The following DPYSL3 variants were observed in gnomAD, a reference collection of about 807,000 sequenced individuals.
DPYSL3 encodes the protein dihydropyrimidinase like 3.
DPYSL3 carries 16 observed loss-of-function variants against 66.1 expected under a neutral mutation model. The ratio of observed to expected loss-of-function variants is 0.24; its 90% CI spans 0.16 to 0.37. The LOEUF (loss-of-function observed/expected upper bound fraction) is 0.37, where lower values mean the gene tolerates loss of function less well. DPYSL3 is among the 10% of genes least tolerant of loss of function. DPYSL3 has a pLI of 1.00. For synonymous variants in DPYSL3, 338 were observed against 345.1 expected (o/e 0.98, Z 0.23); for missense variants, 738 against 916.2 (o/e 0.81, Z 2.51).
intron 1 of DPYSL3, chr5:147,473,436 T>C (rs1412579799): frequency 6.6e-6 from 1 of 152,204 alleles, no homozygotes; most frequent in Admixed American, 6.5e-5. Flanking sequence ...GTCCCATCTT[T>C]GCTTCCATTA....
chr5:147,406,517 T>C (rs369224402), intron 7 of DPYSL3, among the ~76,000 whole-genome samples: 104 of 152,270 alleles, frequency 6.8e-4, no homozygotes, highest in African/African-American at 2.4e-3. Flanking sequence ...GGATCTGACA[T>C]GTTGGGCTGT....
rs1464479524 is a variant in DPYSL3 at position 147,509,238 on chromosome 5, A to G, written c.381+240T>C. Among the ~76,000 whole-genome samples the G allele has an allele frequency of 6.6e-6, 1 of 152,134 alleles. No individual in the cohort carries two copies. The highest frequency in any genetic ancestry group is 1.5e-5 in the Non-Finnish European group (1 of 68,014). On this transcript the variant is annotated intron_variant, in intron 1 of 13. Transcript: ENST00000343218. The surrounding 1 kb of genome is among the most constrained non-coding windows in gnomAD (Gnocchi z 5.3). ...AGGCAGGGGCAAAGGACGCGGCTCC[A>G]GGCAGGGGAACCCGGGCATCCCTTC...
chr5:147,454,947 A>G (rs1752817964), intron 1 of DPYSL3, among the ~76,000 whole-genome samples: 1 of 152,158 alleles, frequency 6.6e-6, no homozygotes, highest in African/African-American at 2.4e-5. Context: ...AGGAACCAAA[A>G]AAAGACTTGC....
At chr5:147,506,740 T>C (rs925688154) in intron 1 of DPYSL3, among the ~76,000 whole-genome samples, 3 of 152,152 alleles carry the variant, frequency 2.0e-5, no homozygotes, top group Non-Finnish European at 4.4e-5. Context: ...GTCACCATTA[T>C]CCTTATTTTG....
At chr5:147,441,814 T>C (rs1269622600) in intron 1 of DPYSL3, among the ~76,000 whole-genome samples, 1 of 152,168 alleles carries the variant, frequency 6.6e-6, no homozygotes, top group Non-Finnish European at 1.5e-5. Flanking sequence ...TTTCCCACAA[T>C]TTCTCATAGC....
At chr5:147,395,009 A>G (rs747126472) in intron 13 of DPYSL3, among the ~76,000 whole-genome samples, 4 of 152,202 alleles carry the variant, frequency 2.6e-5, no homozygotes, top group Non-Finnish European at 4.4e-5. Flanking sequence ...TTCTAATTAT[A>G]TCAGAGAGTT....
intron 2 of DPYSL3, among the ~76,000 whole-genome samples, chr5:147,419,559 A>G (rs1409717153): frequency 6.6e-6 from 1 of 152,230 alleles, no homozygotes; most frequent in East Asian, 1.9e-4. Flanking sequence ...TATGGATAAC[A>G]GGGAGACCTA....
chr5:147,433,718 C>T (rs1752357067), intron 1 of DPYSL3, among the ~76,000 whole-genome samples: 1 of 152,144 alleles, frequency 6.6e-6, no homozygotes, highest in African/African-American at 2.4e-5. Flanking sequence ...GAGTTAAAGA[C>T]ATGATGCAGG....
rs879298859 is a variant in DPYSL3 at position 147,455,760 on chromosome 5, T to TA, written c.382-30798dup. On this transcript the variant is annotated intron_variant, in intron 1 of 13. Transcript: ENST00000343218. ...AATATGTAGGGGACATTTACAATCC[T>TA]AAAAAAAAAATACCGCTGCTGCTGC... Among the ~76,000 whole-genome samples the TA allele has an allele frequency of 1.6e-3, 235 of 148,974 alleles. 1 individual carries two copies. Among genetic ancestry groups the TA allele is most frequent in the Non-Finnish European group, 1.1e-3 (74 of 66,984 alleles).
chr5:147,509,462 C>G lies in DPYSL3; in HGVS notation c.381+16G>C. The G allele has an allele frequency of 1.3e-6, 2 of 1,491,802 alleles. No individual in the cohort carries two copies. The highest frequency in any genetic ancestry group is 1.8e-6 in the Non-Finnish European group (2 of 1,124,808). The allele number at this position is 1,491,802 out of a possible 1,614,324, so 92.4% of individuals were successfully genotyped here. ...GGAACGAAGGCAAGGAGGGAAGTGA[C>G]CCGGGGCCCCCTTACCTTGTCCTTG... On this transcript the variant is annotated intron_variant, in intron 1 of 13. Coordinates refer to ENST00000343218, the MANE Select transcript of DPYSL3 (RefSeq NM_001197294.2). This position sits in a 1 kb window ranked among gnomAD's most constrained non-coding sequence, Gnocchi z 5.3.
At chr5:147,451,976 G>C (rs1752737020) in intron 1 of DPYSL3, among the ~76,000 whole-genome samples, 1 of 152,126 alleles carries the variant, frequency 6.6e-6, no homozygotes, top group South Asian at 2.1e-4. Context: ...ATCAGGTAGT[G>C]GTAAAGGAGG....
intron 1 of DPYSL3, chr5:147,472,694 T>A (rs1753102348): frequency 6.6e-6 from 1 of 152,228 alleles, no homozygotes; most frequent in South Asian, 2.1e-4. Context: ...TTTCAAATTA[T>A]GTATTTCTCC....
intron 8 of DPYSL3, among the ~76,000 whole-genome samples, chr5:147,404,726 A>C: frequency 6.6e-6 from 1 of 152,254 alleles, no homozygotes. Flanking sequence ...AGGAAGCCCA[A>C]GTTAACACCA....
chr5:147,422,116 T>C (rs1752093097), intron 2 of DPYSL3, among the ~76,000 whole-genome samples: 1 of 151,990 alleles, frequency 6.6e-6, no homozygotes, highest in African/African-American at 2.4e-5. Flanking sequence ...AAAGGGGTAA[T>C]ACCCAGAATC....
intron 1 of DPYSL3, among the ~76,000 whole-genome samples, chr5:147,474,730 G>A (rs1008113423): frequency 1.1e-4 from 17 of 151,984 alleles, no homozygotes; most frequent in African/African-American, 3.9e-4. Context: ...AAGATTTTTT[G>A]TAATATAATT....
chr5:147,425,490 A>G (rs1483332009), intron 1 of DPYSL3, among the ~76,000 whole-genome samples: 2 of 152,232 alleles, frequency 1.3e-5, no homozygotes, highest in Non-Finnish European at 2.9e-5. Flanking sequence ...ATGCACAAGT[A>G]CACACAATGT....
intron 1 of DPYSL3, among the ~76,000 whole-genome samples, chr5:147,430,528 A>G (rs1216968049): frequency 6.6e-6 from 1 of 151,668 alleles, no homozygotes; most frequent in African/African-American, 2.4e-5. Flanking sequence ...AAAAAAAGAA[A>G]AAAAAGGAAA....
intron 1 of DPYSL3, among the ~76,000 whole-genome samples, chr5:147,447,989 C>T (rs1752659505): frequency 6.6e-6 from 1 of 152,188 alleles, no homozygotes; most frequent in African/African-American, 2.4e-5. Context: ...CTACTGTAAA[C>T]ATTTTGCCGT....
intron 1 of DPYSL3, among the ~76,000 whole-genome samples, chr5:147,447,744 T>C (rs1458979280): frequency 1.3e-5 from 2 of 152,086 alleles, no homozygotes; most frequent in African/African-American, 2.4e-5. Flanking sequence ...GTGGCACATG[T>C]CTGTAATCCC....
Sources: allele counts gnomAD v4.1 joint callset (sites outside exome capture counted in the v4.1 genomes callset), GRCh38; gene constraint gnomAD v4.1.1; non-coding constraint Gnocchi (gnomAD v3.1); transcripts MANE v1.5; gene names NCBI Gene and HGNC (gene_info 2026-07-23, HGNC 2026-07-21).